The following SPATA17 variants were observed in gnomAD, a reference collection of about 807,000 sequenced individuals.
The protein encoded by SPATA17 is spermatogenesis-associated protein 17.
Under a neutral mutation model 62.2 loss-of-function variants are expected in SPATA17, and 53 were observed. The ratio of observed to expected loss-of-function variants is 0.85; its 90% CI spans 0.68 to 1.07. The LOEUF is 1.07. Among genes scored for constraint, SPATA17 ranks in the 50% least tolerant of loss-of-function variants. SPATA17 has a pLI of 0.00. For missense variants in SPATA17, 466 were observed against 425.5 expected (o/e 1.10, Z -0.84); for synonymous variants, 146 against 146.8 (o/e 0.99, Z 0.04).
At chr1:217,681,992 C>A (rs902384884) in intron 4 of SPATA17, among the ~76,000 whole-genome samples, 1 of 150,316 alleles carries the variant, frequency 6.7e-6, no homozygotes, top group Non-Finnish European at 1.5e-5. Flanking sequence ...GTGCCAAAAT[C>A]GGGAAGACTT....
chr1:217,675,649 G>A (rs1670930152), intron 4 of SPATA17, among the ~76,000 whole-genome samples: 1 of 152,130 alleles, frequency 6.6e-6, no homozygotes, highest in South Asian at 2.1e-4. Flanking sequence ...CAATTGTATA[G>A]CAGTTACTAC....
intron 6 of SPATA17, among the ~76,000 whole-genome samples, chr1:217,774,121 T>C (rs1266921212): frequency 6.6e-6 from 1 of 152,194 alleles, no homozygotes; most frequent in East Asian, 1.9e-4. Context: ...TGCTCAATTC[T>C]GAAAGATATT....
intron 5 of SPATA17, among the ~76,000 whole-genome samples, chr1:217,686,213 T>C (rs1281735705): frequency 1.3e-5 from 2 of 152,096 alleles, no homozygotes; most frequent in African/African-American, 4.8e-5. Flanking sequence ...GGATTACTAG[T>C]CTTTGGAAGT....
intron 1 of SPATA17, among the ~76,000 whole-genome samples, chr1:217,646,462 C>T (rs1289129566): frequency 6.6e-6 from 1 of 152,114 alleles, no homozygotes; most frequent in Non-Finnish European, 1.5e-5. Flanking sequence ...GCTACCTTTT[C>T]CCACAAAGTC....
chr1:217,681,536 G>T (rs1156478770), intron 4 of SPATA17, among the ~76,000 whole-genome samples: 1 of 151,642 alleles, frequency 6.6e-6, no homozygotes, highest in Non-Finnish European at 1.5e-5. Context: ...ACCATGCCCA[G>T]TTTTGTATTT....
chr1:217,797,727 C>G (rs893453306), intron 8 of SPATA17, among the ~76,000 whole-genome samples: 2 of 152,104 alleles, frequency 1.3e-5, no homozygotes, highest in Non-Finnish European at 1.5e-5. Context: ...TCTTTCCCAA[C>G]TTTTAAACGT....
chr1:217,740,678 T>A (rs1672607290), intron 5 of SPATA17, among the ~76,000 whole-genome samples: 1 of 152,194 alleles, frequency 6.6e-6, no homozygotes, highest in East Asian at 1.9e-4. Flanking sequence ...GAGGTCATTG[T>A]ACCAGCTTGC....
At chr1:217,754,119 C>T (rs1672981567) in intron 6 of SPATA17, among the ~76,000 whole-genome samples, 1 of 152,014 alleles carries the variant, frequency 6.6e-6, no homozygotes, top group South Asian at 2.1e-4. Flanking sequence ...GTAGTCCCAG[C>T]TACTTGGGAG....
At chr1:217,634,277 T>C (rs1669888389) in intron 1 of SPATA17, among the ~76,000 whole-genome samples, 2 of 152,190 alleles carry the variant, frequency 1.3e-5, no homozygotes, top group Non-Finnish European at 2.9e-5. Context: ...ACCAGAGTTT[T>C]ATTGTTACTG....
At chr1:217,743,197 A>C (rs1257949503) in intron 6 of SPATA17, among the ~76,000 whole-genome samples, 1 of 151,988 alleles carries the variant, frequency 6.6e-6, no homozygotes, top group Non-Finnish European at 1.5e-5. Flanking sequence ...GGCACTCGGC[A>C]CTCTGAGGTC....
chr1:217,827,812 C>T lies in SPATA17; in HGVS notation c.1005+25962C>T, dbSNP rs1275700255. ...AAACCAAACACCACATGTTCTCACT[C>T]ATAAGTGATAGCTGAACAATGAGAA... On this transcript the variant is annotated intron_variant, in intron 9 of 10. Coordinates refer to ENST00000366933, the MANE Select transcript of SPATA17 (RefSeq NM_138796.4). Among the ~76,000 whole-genome samples the T allele has an allele frequency of 3.3e-5, 5 of 152,114 alleles. No individual in the cohort carries two copies. The East Asian group carries it at 9.7e-4, about 29-fold the overall frequency.
rs758841425 is a variant in SPATA17, at chr1:217,648,887, T to C, written c.74T>C (p.Val25Ala). 15 of 1,604,134 alleles carry C rather than the reference T, an allele frequency of 9.4e-6. No individual in the cohort carries two copies. The highest frequency in any genetic ancestry group is 1.2e-5 in the Non-Finnish European group (14 of 1,175,984). The change falls in exon 2 of 11, where the codon GTA (valine) becomes GCA (alanine). Residue 25 changes from valine to alanine, a missense_variant. Val to Ala is a moderately conservative substitution (Grantham distance 64). Transcript: ENST00000366933. ...GNQYYFRNSVVDPFRKKENDA... is the reference protein window; with the variant it reads ...GNQYYFRNSVADPFRKKENDA... Reference sequence around the variant, plus strand: ...TTTTAAACATTTTGTTTTAGTGTTGTAGATCCATTTAGAAAAAAGGAGAAT... The same window carrying C: ...TTTTAAACATTTTGTTTTAGTGTTGCAGATCCATTTAGAAAAAAGGAGAAT...
intron 8 of SPATA17, among the ~76,000 whole-genome samples, chr1:217,783,841 G>T (rs1242618414): frequency 6.6e-6 from 1 of 151,958 alleles, no homozygotes; most frequent in Admixed American, 6.6e-5. Context: ...AAAGTTGCTC[G>T]ATTTGTATTT....
chr1:217,753,563 G>A lies in SPATA17; in HGVS notation c.519+11465G>A, dbSNP rs544070330. Among the ~76,000 whole-genome samples the A allele has an allele frequency of 2.0e-5, 3 of 151,718 alleles. No individual in the cohort carries two copies. The South Asian group carries it at 6.2e-4, about 32-fold the overall frequency. On this transcript the variant is annotated intron_variant, in intron 6 of 10. Coordinates refer to ENST00000366933, the MANE Select transcript of SPATA17 (RefSeq NM_138796.4). The stretch of plus-strand genomic sequence containing the variant: ...TTTTTTTAATTAACTTATTAGGTAT[G>A]GGTAGAGATAGTTATTGGGTATTAA...
intron 9 of SPATA17, among the ~76,000 whole-genome samples, chr1:217,827,762 T>C (rs929921977): frequency 4.6e-5 from 7 of 152,072 alleles, no homozygotes; most frequent in African/African-American, 1.7e-4. Context: ...AGCCATTATC[T>C]TCAGCAAACT....
chr1:217,855,990 G>A (rs1675778205), intron 9 of SPATA17, among the ~76,000 whole-genome samples: 1 of 151,970 alleles, frequency 6.6e-6, no homozygotes, highest in Non-Finnish European at 1.5e-5. Flanking sequence ...CCCCCAAAGT[G>A]CTGGGATAAC....
intron 5 of SPATA17, among the ~76,000 whole-genome samples, chr1:217,708,842 G>T (rs1671795380): frequency 6.6e-6 from 1 of 152,004 alleles, no homozygotes. Flanking sequence ...CCATGATCAA[G>T]TGGGCTTTAT....
chr1:217,801,351 T>A (rs1182682687), intron 8 of SPATA17, among the ~76,000 whole-genome samples: 1 of 152,224 alleles, frequency 6.6e-6, no homozygotes, highest in Non-Finnish European at 1.5e-5. Flanking sequence ...GTACTGGCTG[T>A]CCTTTTGATT....
In SPATA17 at chr1:217,698,591, AAAAC is replaced by A. The variant is rs1275716959; in HGVS notation, c.395+15234_395+15237del. Among the ~76,000 whole-genome samples, 125 of 151,832 alleles carry A rather than the reference AAAAC, an allele frequency of 8.2e-4. No homozygotes were observed. The Middle Eastern group carries it at 0.014, about 17-fold the overall frequency. On this transcript the variant is annotated intron_variant, in intron 5 of 10. Transcript: ENST00000366933. ...TCACATGCAGTTATAAAAAAAAAAAAAAACAAAGAAATTCTATGTTAACTCAATA... is the reference window on the plus strand; with the variant it reads ...TCACATGCAGTTATAAAAAAAAAAAAAAAGAAATTCTATGTTAACTCAATA...
Sources: allele counts gnomAD v4.1 joint callset (sites outside exome capture counted in the v4.1 genomes callset), GRCh38; gene constraint gnomAD v4.1.1; transcripts MANE v1.5; gene names NCBI Gene and HGNC (gene_info 2026-07-23, HGNC 2026-07-21).